The following AFDN variants were observed in gnomAD, a reference collection of about 807,000 sequenced individuals.
The protein encoded by AFDN is afadin, adherens junction formation factor, also known as afadin.
In AFDN, 68 loss-of-function variants were observed where a neutral mutation model predicts 216.6. That is an observed-to-expected ratio of 0.31 (90% CI 0.26 to 0.38). The LOEUF (loss-of-function observed/expected upper bound fraction) is 0.38, where lower values mean the gene tolerates loss of function less well. Among genes scored for constraint, AFDN ranks in the 10% least tolerant of loss-of-function variants. AFDN has a pLI of 1.00. For synonymous variants in AFDN, 868 were observed against 853.7 expected (o/e 1.02, Z -0.29); for missense variants, 2,136 against 2,342.0 (o/e 0.91, Z 1.82).
chr6:167,937,274 T>A (rs952673768), intron 23 of AFDN, among the ~76,000 whole-genome samples: 3 of 152,238 alleles, frequency 2.0e-5, no homozygotes, highest in Non-Finnish European at 4.4e-5. Context: ...GTCTTCTGTG[T>A]CTAAGAGTAT....
At chr6:167,837,056 T>C (rs1044328185) in intron 1 of AFDN, among the ~76,000 whole-genome samples, 1 of 152,208 alleles carries the variant, frequency 6.6e-6, no homozygotes, top group African/African-American at 2.4e-5. Context: ...CTTGCTGATT[T>C]TAATTTATAA....
intron 32 of AFDN, among the ~76,000 whole-genome samples, chr6:167,968,124 T>C (rs1301482902): frequency 6.6e-6 from 1 of 152,236 alleles, no homozygotes; most frequent in African/African-American, 2.4e-5. Context: ...GTATCATTCT[T>C]AAAGCTCAAA....
intron 25 of AFDN, 67 bp from the exon 26 acceptor site, chr6:167,943,874 C>A: frequency 7.7e-7 from 1 of 1,304,962 alleles, no homozygotes; most frequent in Non-Finnish European, 1.1e-6. Context: ...GCTATAATCA[C>A]AGCGATTCAT....
chr6:167,877,302 G>A (rs936248351), intron 5 of AFDN, among the ~76,000 whole-genome samples: 2 of 152,172 alleles, frequency 1.3e-5, no homozygotes, highest in African/African-American at 4.8e-5. Context: ...AGTGCTGGTA[G>A]GATATGGGAT....
chr6:167,849,184 G>A (rs1254410527), intron 1 of AFDN, among the ~76,000 whole-genome samples: 1 of 152,088 alleles, frequency 6.6e-6, no homozygotes, highest in African/African-American at 2.4e-5. Context: ...GTACTTATTA[G>A]CACAATGTTT....
chr6:167,951,105 T>A lies in AFDN; in HGVS notation c.3832-81T>A, dbSNP rs115559205. 1,512 of 1,461,924 alleles carry A rather than the reference T, an allele frequency of 1.0e-3. 17 individuals carry two copies. In the African/African-American group the frequency reaches 0.02, roughly 19 times the overall value. The allele number at this position is 1,461,924 out of a possible 1,614,324, so 90.6% of individuals were successfully genotyped here. A position where few individuals can be genotyped will look rare whatever the true frequency, so the allele number is the denominator to read the frequency against. On this transcript the variant is annotated intron_variant, in intron 29 of 33. Transcript: ENST00000683244. This position sits in a 1 kb window ranked among gnomAD's most constrained non-coding sequence, Gnocchi z 7.1. ...TACACTGATTTAACAGTTTTTCTTC[T>A]GTCTGAAGATAAAATGTTTGTGGAT...
intron 29 of AFDN, among the ~76,000 whole-genome samples, chr6:167,950,394 G>T (rs949990702): frequency 3.0e-5 from 4 of 135,392 alleles, no homozygotes; most frequent in African/African-American, 1.0e-4. Flanking sequence ...ATTTTTCTCT[G>T]TGTCTGTGTG....
chr6:167,963,375 A>G (rs1797229115), intron 31 of AFDN: 1 of 1,056,948 alleles, frequency 9.5e-7, no homozygotes. Context: ...CTTCCCTTCT[A>G]TGAAGGTAGA....
rs563376641 is a variant in AFDN, at chr6:167,922,931, G to A, written c.2984G>A (p.Ser995Asn). ...TATTTTGAAGGTGCAGATTATGAAAGTCACCTTCTGCGTGAGAACACAGAG... is the reference window on the plus strand; with the variant it reads ...TATTTTGAAGGTGCAGATTATGAAAATCACCTTCTGCGTGAGAACACAGAG... ...TIYFEGADYE[S>N]HLLRENTELA... Residue 995 changes from serine (S) to asparagine (N), a missense_variant, in exon 22 of 34, where the codon AGT (serine) becomes AAT (asparagine). Coordinates refer to ENST00000683244, the MANE Select transcript of AFDN (RefSeq NM_001386888.1). 3 of 1,612,686 alleles carry A rather than the reference G, an allele frequency of 1.9e-6. No individual in the cohort carries two copies. The South Asian group carries it at 3.3e-5, about 18-fold the overall frequency.
At chr6:167,950,745 G>T (rs1795875063) in intron 29 of AFDN, among the ~76,000 whole-genome samples, 1 of 152,142 alleles carries the variant, frequency 6.6e-6, no homozygotes, top group African/African-American at 2.4e-5. Context: ...CACATGTCTG[G>T]CTCTGCAGTG....
chr6:167,855,808 G>A (rs1485850902), intron 1 of AFDN, among the ~76,000 whole-genome samples: 1 of 152,002 alleles, frequency 6.6e-6, no homozygotes, highest in Non-Finnish European at 1.5e-5. Context: ...AACACTTTTA[G>A]GGTAAAATTC....
chr6:167,966,691 T>G (rs1797600072), intron 32 of AFDN, among the ~76,000 whole-genome samples: 1 of 152,262 alleles, frequency 6.6e-6, no homozygotes, highest in Admixed American at 6.5e-5. Flanking sequence ...ATAAGTTTCC[T>G]TTATTTAATG....
At chr6:167,949,897 A>T (rs1795763575) in intron 29 of AFDN, among the ~76,000 whole-genome samples, 1 of 152,142 alleles carries the variant, frequency 6.6e-6, no homozygotes, top group African/African-American at 2.4e-5. Flanking sequence ...AGGAACTGAG[A>T]GGCAGGCCAG....
intron 4 of AFDN, among the ~76,000 whole-genome samples, chr6:167,873,107 G>T (rs1784960650): frequency 6.6e-6 from 1 of 151,984 alleles, no homozygotes; most frequent in South Asian, 2.1e-4. Flanking sequence ...TTGACTACAT[G>T]GTATTCTATA....
chr6:167,962,423 CTGT>C lies in AFDN; in HGVS notation c.4834-5_4834-3del, dbSNP rs751841646. ...TTTGTGGAGGGAGATTAATGTCAGC[CTGT>C]TGTTAGTTGCAGGACGAGGAGCGGA... On this transcript the variant is annotated splice_region_variant and splice_polypyrimidine_tract_variant and intron_variant, in intron 30 of 33. Transcript: ENST00000683244. This position sits in a 1 kb window ranked among gnomAD's most constrained non-coding sequence, Gnocchi z 5.2. The C allele has an allele frequency of 1.2e-6, 2 of 1,613,230 alleles. No individual in the cohort carries two copies. Among genetic ancestry groups the C allele is most frequent in the South Asian group, 1.1e-5 (1 of 91,048 alleles).
chr6:167,861,642 T>C (rs1192486741), intron 1 of AFDN, among the ~76,000 whole-genome samples: 2 of 152,216 alleles, frequency 1.3e-5, no homozygotes, highest in Non-Finnish European at 2.9e-5. Flanking sequence ...TCTCCTCTTT[T>C]CCCTGTTTGT....
At chr6:167,875,574 C>T in intron 5 of AFDN, 79 bp downstream of exon 5, 1 of 1,453,304 alleles carries the variant, frequency 6.9e-7, no homozygotes, top group Non-Finnish European at 9.4e-7. Flanking sequence ...GTGAGACTTG[C>T]TTTAACTAAA....
At chr6:167,910,720 T>C (rs1272910353) in intron 13 of AFDN, among the ~76,000 whole-genome samples, 1 of 152,200 alleles carries the variant, frequency 6.6e-6, no homozygotes. Context: ...CGTTTCAAGC[T>C]TGGCATGGTT....
rs149255728 is a variant in AFDN, at chr6:167,841,697, T to C, written c.105+14460T>C. On this transcript the variant is annotated intron_variant, in intron 1 of 33. Coordinates refer to ENST00000683244, the MANE Select transcript of AFDN (RefSeq NM_001386888.1). ...TAGCATTCTGTAAAGTTTCCTATTC[T>C]TTGATCATCTGTGATGTCCATAATA... is the stretch of plus-strand genomic sequence containing the variant. 3.4e-3 allele frequency among the ~76,000 whole-genome samples: 522 copies of C among 152,366 alleles called. 1 individual carries two copies. Among genetic ancestry groups the C allele is most frequent in the Non-Finnish European group, 5.9e-3 (402 of 68,032 alleles).
Sources: allele counts gnomAD v4.1 joint callset (sites outside exome capture counted in the v4.1 genomes callset), GRCh38; gene constraint gnomAD v4.1.1; non-coding constraint Gnocchi (gnomAD v3.1); transcripts MANE v1.5; gene names NCBI Gene and HGNC (gene_info 2026-07-23, HGNC 2026-07-21).